Variants in LOXHD1 observed in about 807,000 individuals in gnomAD.
LOXHD1 encodes the protein lipoxygenase homology domain-containing protein 1.
Under a neutral mutation model 248.2 loss-of-function variants are expected in LOXHD1, and 205 were observed. The ratio of observed to expected loss-of-function variants is 0.83; its 90% CI spans 0.74 to 0.93. The LOEUF is 0.93. Among genes scored for constraint, LOXHD1 ranks in the 40% least tolerant of loss-of-function variants. The probability of loss-of-function intolerance (pLI) is 0.00; values close to 1 mark genes in which losing one functional copy is unlikely to be tolerated. For missense variants in LOXHD1, 2,930 were observed against 2,971.6 expected (o/e 0.99, Z 0.33); for synonymous variants, 1,113 against 1,162.8 (o/e 0.96, Z 0.87).
chr18:46,531,086 C>T (rs1219545619), intron 28 of LOXHD1, among the ~76,000 whole-genome samples: 2 of 152,086 alleles, frequency 1.3e-5, no homozygotes, highest in Non-Finnish European at 2.9e-5. Flanking sequence ...TGCAAACCTT[C>T]TCCCCAACCA....
At chr18:46,514,717 G>A (rs1313631398) in intron 34 of LOXHD1, among the ~76,000 whole-genome samples, 2 of 151,974 alleles carry the variant, frequency 1.3e-5, no homozygotes, top group Non-Finnish European at 2.9e-5. Flanking sequence ...CATCCTGAAG[G>A]GTAAACCCAG....
intron 18 of LOXHD1, among the ~76,000 whole-genome samples, chr18:46,562,784 C>T (rs1345516899): frequency 6.6e-6 from 1 of 152,196 alleles, no homozygotes; most frequent in African/African-American, 2.4e-5. Flanking sequence ...CCCAGAGGTT[C>T]TGATTTGCCT....
At chr18:46,561,042 G>A (rs1172136043) in intron 18 of LOXHD1, among the ~76,000 whole-genome samples, 6 of 151,922 alleles carry the variant, frequency 3.9e-5, no homozygotes, top group Non-Finnish European at 7.4e-5. Flanking sequence ...AGTGTTAACC[G>A]TATATAACTT....
chr18:46,606,164 A>G (rs780313542), intron 6 of LOXHD1, among the ~76,000 whole-genome samples: 2 of 152,326 alleles, frequency 1.3e-5, no homozygotes, highest in African/African-American at 2.4e-5. Context: ...TAAGAAAGGG[A>G]ATCAAGAAAA....
At chr18:46,521,589 G>C (rs912167634) in intron 32 of LOXHD1, among the ~76,000 whole-genome samples, 7 of 152,166 alleles carry the variant, frequency 4.6e-5, no homozygotes. Flanking sequence ...CCAGGTTTTG[G>C]AGAGGGCCTC....
chr18:46,568,880 T>G (rs1295521268), intron 16 of LOXHD1, among the ~76,000 whole-genome samples: 2 of 152,230 alleles, frequency 1.3e-5, no homozygotes, highest in Non-Finnish European at 2.9e-5. Context: ...TTCTCTTTGA[T>G]GAAGTGCTTA....
chr18:46,538,133 G>C (rs986801119), intron 26 of LOXHD1, 23 bp downstream of exon 26: 6 of 1,520,676 alleles, frequency 3.9e-6, no homozygotes, highest in Admixed American at 4.0e-5. Flanking sequence ...TCCATCCCTG[G>C]ACAGCCTGCT....
chr18:46,609,878 G>A (rs1381871543), intron 6 of LOXHD1, among the ~76,000 whole-genome samples: 1 of 152,198 alleles, frequency 6.6e-6, no homozygotes, highest in African/African-American at 2.4e-5. Context: ...ATCAGGGCAA[G>A]GCCAGATAGA....
intron 2 of LOXHD1, among the ~76,000 whole-genome samples, chr18:46,646,343 G>A (rs747319912): frequency 6.6e-6 from 1 of 152,172 alleles, no homozygotes; most frequent in Non-Finnish European, 1.5e-5. Context: ...TGGGCAGCCT[G>A]GAATTCCTCA....
intron 28 of LOXHD1, among the ~76,000 whole-genome samples, chr18:46,529,594 A>C (rs2035974144): frequency 6.6e-6 from 1 of 152,164 alleles, no homozygotes; most frequent in South Asian, 2.1e-4. Context: ...AGCACCCCTC[A>C]AACGATCTAT....
intron 12 of LOXHD1, 22 bp downstream of exon 12, chr18:46,591,911 T>C: frequency 1.3e-6 from 2 of 1,551,412 alleles, no homozygotes; most frequent in Non-Finnish European, 8.7e-7. Flanking sequence ...CCTCCCAGGA[T>C]GGAGAGCCTG....
intron 34 of LOXHD1, among the ~76,000 whole-genome samples, chr18:46,511,359 G>A (rs937533478): frequency 2.6e-5 from 4 of 152,170 alleles, no homozygotes; most frequent in Admixed American, 6.5e-5. Flanking sequence ...TTCTGCCCCT[G>A]GTTCACAGGG....
intron 4 of LOXHD1, among the ~76,000 whole-genome samples, chr18:46,631,988 AG>A (rs1272629658): frequency 1.3e-5 from 2 of 152,210 alleles, no homozygotes; most frequent in African/African-American, 4.8e-5. Context: ...TGCCAGGCAC[AG>A]GAGCCAACAC....
At chr18:46,628,318 C>CG (rs1267541204) in intron 4 of LOXHD1, among the ~76,000 whole-genome samples, 1 of 151,758 alleles carries the variant, frequency 6.6e-6, no homozygotes, top group Non-Finnish European at 1.5e-5. Flanking sequence ...ATGGGGTGGG[C>CG]GGGGAGCTGC....
At chr18:46,650,113 C>G (rs545235512) in intron 1 of LOXHD1, among the ~76,000 whole-genome samples, 1 of 152,230 alleles carries the variant, frequency 6.6e-6, no homozygotes, top group South Asian at 2.1e-4. Context: ...ATCCCCTCCG[C>G]CAAGAGCAGA....
At chr18:46,562,177 G>A (rs902563283) in intron 18 of LOXHD1, among the ~76,000 whole-genome samples, 1 of 152,142 alleles carries the variant, frequency 6.6e-6, no homozygotes, top group African/African-American at 2.4e-5. Context: ...AGTGTATGAG[G>A]GTGTCTGGCT....
chr18:46,529,177 CG>C lies in LOXHD1; in HGVS notation c.4529del (p.Thr1510ArgfsTer12), dbSNP rs2144219491. The C allele has an allele frequency of 6.4e-7, 1 of 1,551,492 alleles. No individual in the cohort carries two copies. The highest frequency in any genetic ancestry group is 1.2e-5 in the South Asian group (1 of 84,038). On this transcript the variant is annotated frameshift_variant and splice_region_variant, in exon 29 of 41. Coordinates refer to ENST00000642948, the MANE Select transcript of LOXHD1 (RefSeq NM_001384474.1). LOFTEE classifies it high-confidence loss of function. ...GGTAAACTCCGTGTGCCCCTCATAC[CG>C]TTCCTCTCTCGAACTTGTTGGTCCG... ...ENRTNKFERG[T>X]ADTFIIEAAD...
At chr18:46,577,908 C>T in intron 13 of LOXHD1, 41 bp from the exon 14 acceptor site, 1 of 1,548,316 alleles carries the variant, frequency 6.5e-7, no homozygotes, top group Non-Finnish European at 8.7e-7. Flanking sequence ...ACAGTGGCTA[C>T]CCCAGGACCC....
At chr18:46,600,013 T>C (rs923475998) in intron 8 of LOXHD1, among the ~76,000 whole-genome samples, 1 of 152,208 alleles carries the variant, frequency 6.6e-6, no homozygotes, top group African/African-American at 2.4e-5. Flanking sequence ...TGGAATCCTT[T>C]GGAAATAATA....
Sources: gnomAD v4.1 joint callset for allele counts (sites outside exome capture counted in the v4.1 genomes callset) on GRCh38, gnomAD v4.1.1 for gene constraint, MANE v1.5 for transcripts, NCBI Gene and HGNC (gene_info 2026-07-23, HGNC 2026-07-21) for gene names.